Variants in CPSF3 observed in about 807,000 individuals in gnomAD.
The protein encoded by CPSF3 is cleavage and polyadenylation specific factor 3.
In CPSF3, 57 loss-of-function variants were observed where a neutral mutation model predicts 84.1. The observed-to-expected ratio is 0.68, with a 90% CI of 0.55 to 0.85. CPSF3 has a LOEUF of 0.85. CPSF3 is among the 40% of genes least tolerant of loss of function. The probability of loss-of-function intolerance (pLI) is 0.00; values close to 1 mark genes in which losing one functional copy is unlikely to be tolerated. For synonymous variants in CPSF3, 275 were observed against 278.1 expected (o/e 0.99, Z 0.11); for missense variants, 522 against 838.8 (o/e 0.62, Z 4.66).
chr2:9,468,216 T>TTTTTA (rs913111256), intron 16 of CPSF3, among the ~76,000 whole-genome samples: 49 of 152,312 alleles, frequency 3.2e-4, no homozygotes, highest in Admixed American at 1.6e-3. Flanking sequence ...TAAGTATTTC[T>TTTTTA]TTTTATTTTA....
rs1680949110 is a variant in CPSF3, at chr2:9,441,137, C to A, written c.936+471C>A. 2.6e-5 allele frequency among the ~76,000 whole-genome samples: 4 copies of A among 152,178 alleles called. No individual in the cohort carries two copies. The South Asian group carries it at 6.2e-4, about 24-fold the overall frequency. ...GTTTCTCTTCTCACTCAAACCAAAT[C>A]ATCTTTTTGATTAGTGCTGCAAATT... On this transcript the variant is annotated intron_variant, in intron 8 of 17. Transcript: ENST00000238112.
chr2:9,439,945 C>G (rs1680915852), intron 7 of CPSF3, among the ~76,000 whole-genome samples: 1 of 152,134 alleles, frequency 6.6e-6, no homozygotes, highest in Non-Finnish European at 1.5e-5. Context: ...TACCACTACC[C>G]TCAAGGCTAG....
chr2:9,423,801 G>T lies in CPSF3; in HGVS notation c.28G>T (p.Asp10Tyr). The T allele has an allele frequency of 6.2e-7, 1 of 1,613,556 alleles. No homozygotes were observed. The highest frequency in any genetic ancestry group is 1.1e-5 in the South Asian group (1 of 90,958). MSAIPAEES[D>Y]QLLIRPLGAG... ...GTCTGCGATTCCTGCTGAGGAGAGC[G>T]ACCAGCTGCTGATCCGACCCCTGTA... is the stretch of plus-strand genomic sequence containing the variant. Residue 10 changes from aspartate to tyrosine, a missense_variant, in exon 1 of 18, where the codon GAC becomes TAC. By Grantham distance (160) the Asp-to-Tyr change is radical. This residue lies in a region of CPSF3 where 329 missense variants were observed against 607.2 expected (regional missense o/e 0.54). Transcript: ENST00000238112.
intron 15 of CPSF3, among the ~76,000 whole-genome samples, chr2:9,466,404 ACGCGCACACACGCACACG>A (rs1681980156): frequency 7.0e-6 from 1 of 143,632 alleles, no homozygotes; most frequent in African/African-American, 2.7e-5. Flanking sequence ...ACACACACGC[ACGCGCACACACGCACACG>A]CGCACACACG....
At chr2:9,439,284 T>C (rs1193110246) in intron 7 of CPSF3, among the ~76,000 whole-genome samples, 1 of 151,904 alleles carries the variant, frequency 6.6e-6, no homozygotes. Context: ...ATTATAGATG[T>C]AAATTGGTGA....
At chr2:9,433,135 T>G (rs1680654277) in intron 5 of CPSF3, among the ~76,000 whole-genome samples, 1 of 152,152 alleles carries the variant, frequency 6.6e-6, no homozygotes, top group African/African-American at 2.4e-5. Flanking sequence ...GGAAAGATCT[T>G]TGGGGAAGCC....
chr2:9,436,770 C>CAAAAAAAA (rs1347695504), intron 7 of CPSF3, among the ~76,000 whole-genome samples: 6 of 82,486 alleles, frequency 7.3e-5, no homozygotes, highest in African/African-American at 3.4e-4. Context: ...GACTCCATCT[C>CAAAAAAAA]AAAAAATAAT....
In CPSF3 at chr2:9,472,959, G is replaced by C. The variant is rs201003554; in HGVS notation, c.1997G>C (p.Arg666Pro). Residue 666 changes from arginine (R) to proline (P), a missense_variant, in exon 18 of 18, where the codon CGA becomes CCA. Around this residue, in one of 2 missense-constraint regions of CPSF3, gnomAD observed 193 missense variants for 231.6 expected, o/e 0.83. Coordinates refer to ENST00000238112, the MANE Select transcript of CPSF3 (RefSeq NM_016207.4). ...EEGSEDDESL[R>P]EMVELAAQRL... ...GGAAGTGAAGACGATGAATCCCTCCGAGAAATGGTGGAGCTGGCTGCACAG... is the reference window on the plus strand; with the variant it reads ...GGAAGTGAAGACGATGAATCCCTCCCAGAAATGGTGGAGCTGGCTGCACAG... The C allele has an allele frequency of 2.5e-6, 4 of 1,613,898 alleles. No homozygotes were observed. In the South Asian group the frequency reaches 4.4e-5, roughly 18 times the overall value.
intron 14 of CPSF3, among the ~76,000 whole-genome samples, chr2:9,458,127 G>A (rs1289666108): frequency 6.6e-6 from 1 of 152,206 alleles, no homozygotes; most frequent in African/African-American, 2.4e-5. Flanking sequence ...TGTCAGGCCA[G>A]GCCCAGTGGC....
intron 17 of CPSF3, among the ~76,000 whole-genome samples, chr2:9,472,332 A>G (rs951701754): frequency 2.0e-5 from 3 of 152,086 alleles, no homozygotes; most frequent in Non-Finnish European, 4.4e-5. Context: ...AAAAAAAAAA[A>G]AAAAGAAGCA....
intron 6 of CPSF3, among the ~76,000 whole-genome samples, chr2:9,434,991 A>G (rs1680724484): frequency 6.6e-6 from 1 of 152,266 alleles, no homozygotes; most frequent in African/African-American, 2.4e-5. Flanking sequence ...TGGTATGCCC[A>G]GCATATAAAC....
At position 9,423,707 on chromosome 2, in the gene CPSF3, G is replaced by C; in HGVS notation, c.-67G>C. 3.8e-6 allele frequency: 6 copies of C among 1,584,268 alleles called. No individual in the cohort carries two copies. Among genetic ancestry groups the C allele is most frequent in the Non-Finnish European group, 5.2e-6 (6 of 1,162,792 alleles). On this transcript the variant is annotated 5_prime_UTR_variant, in exon 1 of 18. Coordinates refer to ENST00000238112, the MANE Select transcript of CPSF3 (RefSeq NM_016207.4). ...CTTCCTTTTTTATTTACCGGTGGCT[G>C]TGCTTCCAATTTAGGAAGACCCCGG...
At position 9,471,376 on chromosome 2, in the gene CPSF3, G is replaced by A. The variant is rs200636362; in HGVS notation, c.1890G>A (p.Lys630=). Residue 630 remains lysine (K), a synonymous_variant, in exon 17 of 18, where the codon AAG becomes AAA. Coordinates refer to ENST00000238112, the MANE Select transcript of CPSF3 (RefSeq NM_016207.4). ...TTGGAGAAGACTGTGTAAGTGTAAAGGATGACTCTATTCTTAGCGTCACAG... is the reference window on the plus strand; with the variant it reads ...TTGGAGAAGACTGTGTAAGTGTAAAAGATGACTCTATTCTTAGCGTCACAG... ...DIFGEDCVSV[K]DDSILSVTVD... 26 of 1,612,612 alleles carry A rather than the reference G, an allele frequency of 1.6e-5. No individual in the cohort carries two copies. In the African/African-American group the frequency reaches 3.2e-4, roughly 20 times the overall value.
Position 9,453,038 on chromosome 2 carries a change from A to C in CPSF3, c.1504+17A>C, listed in dbSNP as rs1382922752. 2.7e-6 allele frequency: 4 copies of C among 1,465,620 alleles called. No homozygotes were observed. The African/African-American group carries it at 5.7e-5, about 21-fold the overall frequency. The allele number at this position is 1,465,620 out of a possible 1,614,324, so 90.8% of individuals were successfully genotyped here. A position where few individuals can be genotyped will look rare whatever the true frequency, so the allele number is the denominator to read the frequency against. ...ACCTGTCCAGTAAGTATACTATTAA[A>C]TGTCAAATCCAACTTCACCTTAGCA... On this transcript the variant is annotated intron_variant, in intron 12 of 17. Coordinates refer to ENST00000238112, the MANE Select transcript of CPSF3 (RefSeq NM_016207.4).
chr2:9,428,977 A>G, intron 2 of CPSF3, 149 bp downstream of exon 2: 2 of 564,206 alleles, frequency 3.5e-6, no homozygotes, highest in Non-Finnish European at 3.2e-6. Flanking sequence ...GAGAAAAACT[A>G]ATACACACTT....
chr2:9,425,925 C>T (rs1003475235), intron 1 of CPSF3, among the ~76,000 whole-genome samples: 1 of 152,236 alleles, frequency 6.6e-6, no homozygotes, highest in Non-Finnish European at 1.5e-5. Context: ...CACTACCTCT[C>T]CAGCCCTAAG....
At chr2:9,432,152 A>G (rs1680611959) in intron 4 of CPSF3, among the ~76,000 whole-genome samples, 1 of 152,200 alleles carries the variant, frequency 6.6e-6, no homozygotes. Flanking sequence ...CCATGGTTCA[A>G]TGTATGTGAG....
chr2:9,446,581 A>C (rs1386352858), intron 10 of CPSF3, among the ~76,000 whole-genome samples: 62 of 34,022 alleles, frequency 1.8e-3, no homozygotes, highest in African/African-American at 6.6e-3. Flanking sequence ...ACTCGGTCTC[A>C]AAAAAAAAAA....
At chr2:9,460,662 T>C (rs1224446036) in intron 15 of CPSF3, among the ~76,000 whole-genome samples, 1 of 151,906 alleles carries the variant, frequency 6.6e-6, no homozygotes, top group African/African-American at 2.4e-5. Flanking sequence ...ATATGTCTTT[T>C]TTTTCTTTCT....
Sources: gnomAD v4.1 joint callset for allele counts (sites outside exome capture counted in the v4.1 genomes callset) on GRCh38, gnomAD v4.1.1 for gene constraint, gnomAD v4.1.1 regional missense constraint, MANE v1.5 for transcripts, NCBI Gene and HGNC (gene_info 2026-07-23, HGNC 2026-07-21) for gene names.